The following LUZP2 variants were observed in gnomAD, a reference collection of about 807,000 sequenced individuals.
The protein encoded by LUZP2 is leucine zipper protein 2.
Under a neutral mutation model 51.6 loss-of-function variants are expected in LUZP2, and 52 were observed. That is an observed-to-expected ratio of 1.01 (90% CI 0.81 to 1.27). The LOEUF (loss-of-function observed/expected upper bound fraction) is 1.27. Among genes scored for constraint, LUZP2 ranks in the 50% most tolerant of loss-of-function variants. The pLI is 0.00. For missense variants in LUZP2, 436 were observed against 395.4 expected, an observed-to-expected ratio of 1.10 and a Z score of -0.87; for synonymous variants, 154 against 137.3, an observed-to-expected ratio of 1.12 and a Z score of -0.85.
At chr11:25,053,756 G>A (rs765992400) in intron 10 of LUZP2, among the ~76,000 whole-genome samples, 8 of 152,022 alleles carry the variant, frequency 5.3e-5, no homozygotes, top group South Asian at 2.1e-4. Context: ...TGCTATGAAC[G>A]TTTGCATAAA....
intron 9 of LUZP2, among the ~76,000 whole-genome samples, chr11:25,015,912 T>G (rs191807084): frequency 6.4e-4 from 96 of 149,674 alleles, no homozygotes; most frequent in African/African-American, 2.3e-3. Flanking sequence ...TTTTTTTTTG[T>G]ATTTTTTACT....
intron 1 of LUZP2, among the ~76,000 whole-genome samples, chr11:24,503,619 A>G (rs551647884): frequency 7.7e-4 from 118 of 152,306 alleles, no homozygotes; most frequent in African/African-American, 2.6e-3. Context: ...TGGGACACAT[A>G]TTGTGAACAC....
At chr11:24,974,896 T>C (rs552257425) in intron 7 of LUZP2, among the ~76,000 whole-genome samples, 1 of 152,144 alleles carries the variant, frequency 6.6e-6, no homozygotes, top group Admixed American at 6.6e-5. Context: ...TTTATTATGG[T>C]AAAACATATG....
At chr11:24,943,702 A>C (rs900175975) in intron 7 of LUZP2, among the ~76,000 whole-genome samples, 2 of 152,062 alleles carry the variant, frequency 1.3e-5, no homozygotes, top group East Asian at 3.9e-4. Flanking sequence ...ACATGGTGAA[A>C]CCTCGTCTCT....
intron 9 of LUZP2, among the ~76,000 whole-genome samples, chr11:25,017,809 G>A (rs539404429): frequency 6.6e-6 from 1 of 151,956 alleles, no homozygotes; most frequent in Admixed American, 6.6e-5. Context: ...TTTCCTAATC[G>A]TGTGAAAAAT....
intron 5 of LUZP2, among the ~76,000 whole-genome samples, chr11:24,800,183 C>T (rs1428081153): frequency 2.0e-5 from 3 of 152,004 alleles, no homozygotes; most frequent in African/African-American, 7.2e-5. Context: ...ATCCTACACA[C>T]GCTCCATACA....
chr11:25,077,485 A>T, intron 11 of LUZP2, 79 bp downstream of exon 11: 1 of 558,024 alleles, frequency 1.8e-6, no homozygotes, highest in Non-Finnish European at 2.6e-6. Context: ...TTTTATTTAT[A>T]TTATTTTTTA....
chr11:25,074,119 C>T (rs941234197), intron 10 of LUZP2, among the ~76,000 whole-genome samples: 2 of 152,132 alleles, frequency 1.3e-5, no homozygotes, highest in Non-Finnish European at 2.9e-5. Context: ...TCTTGCCTTC[C>T]TTCACAACAG....
At chr11:24,635,396 G>T (rs1855058470) in intron 1 of LUZP2, among the ~76,000 whole-genome samples, 1 of 146,856 alleles carries the variant, frequency 6.8e-6, no homozygotes, top group African/African-American at 2.5e-5. Flanking sequence ...CAACATGTAA[G>T]ATTTTAAACC....
intron 7 of LUZP2, among the ~76,000 whole-genome samples, chr11:24,926,459 ATATATACGTG>A (rs755588817): frequency 5.9e-5 from 8 of 136,278 alleles, no homozygotes; most frequent in Non-Finnish European, 9.7e-5. Flanking sequence ...GTGTGTGTAT[ATATATACGTG>A]TATATATGTG....
chr11:24,769,468 T>C (rs947560061), intron 5 of LUZP2, among the ~76,000 whole-genome samples: 4 of 152,318 alleles, frequency 2.6e-5, no homozygotes, highest in Admixed American at 2.6e-4. Context: ...TTACACAATC[T>C]ATATGTGTAT....
intron 1 of LUZP2, among the ~76,000 whole-genome samples, chr11:24,631,755 G>A (rs1307597749): frequency 6.8e-6 from 1 of 146,150 alleles, no homozygotes; most frequent in African/African-American, 2.6e-5. Context: ...GCTTTAGGAT[G>A]CTTGGAATTA....
intron 7 of LUZP2, among the ~76,000 whole-genome samples, chr11:24,933,792 G>C (rs1481067169): frequency 6.6e-6 from 1 of 152,190 alleles, no homozygotes; most frequent in Non-Finnish European, 1.5e-5. Flanking sequence ...GGGTGCAGGA[G>C]GGTTGAGTCC....
intron 10 of LUZP2, among the ~76,000 whole-genome samples, chr11:25,064,883 C>T (rs867389303): frequency 2.6e-4 from 40 of 151,986 alleles, no homozygotes; most frequent in African/African-American, 8.7e-4. Flanking sequence ...TGTGACTTCG[C>T]GAATTTCTAA....
intron 1 of LUZP2, among the ~76,000 whole-genome samples, chr11:24,602,018 A>C (rs1454761609): frequency 7.2e-6 from 1 of 138,892 alleles, no homozygotes; most frequent in Admixed American, 7.5e-5. Flanking sequence ...GTATATATGT[A>C]TATATGTGTA....
chr11:24,984,549 T>TATATATACATATATATAA (rs60530495), intron 9 of LUZP2, among the ~76,000 whole-genome samples: 1 of 71,224 alleles, frequency 1.4e-5, no homozygotes, highest in Non-Finnish European at 2.8e-5. Context: ...TATATATATA[T>TATATATACATATATATAA]AATTGTGAAT....
At chr11:24,526,797 A>C (rs544110002) in intron 1 of LUZP2, among the ~76,000 whole-genome samples, 1 of 151,356 alleles carries the variant, frequency 6.6e-6, no homozygotes, top group African/African-American at 2.4e-5. Flanking sequence ...TTGATACAGA[A>C]GTTTCATTTC....
intron 1 of LUZP2, among the ~76,000 whole-genome samples, chr11:24,618,033 A>G (rs1854349621): frequency 6.6e-6 from 1 of 152,152 alleles, no homozygotes; most frequent in East Asian, 1.9e-4. Flanking sequence ...CCAGTTTCCC[A>G]GCAGACCTCC....
At chr11:24,864,562 T>C (rs1851831474) in intron 5 of LUZP2, among the ~76,000 whole-genome samples, 1 of 152,190 alleles carries the variant, frequency 6.6e-6, no homozygotes, top group African/African-American at 2.4e-5. Context: ...TTCTGTGTGG[T>C]GACTCCATTC....
Sources: gnomAD v4.1 joint callset for allele counts (sites outside exome capture counted in the v4.1 genomes callset) on GRCh38, gnomAD v4.1.1 for gene constraint, MANE v1.5 for transcripts, NCBI Gene and HGNC (gene_info 2026-07-23, HGNC 2026-07-21) for gene names.